SNX24: variants seen among roughly 807,000 people sequenced by gnomAD.
SNX24 encodes sorting nexin 24.
In SNX24, 22 loss-of-function variants were observed where a neutral mutation model predicts 28.7. The observed-to-expected ratio is 0.77, with a 90% CI of 0.55 to 1.10. The LOEUF is 1.10. Among genes scored for constraint, SNX24 ranks in the 50% least tolerant of loss-of-function variants. SNX24 has a pLI of 0.00. For missense variants in SNX24, 221 were observed against 201.1 expected (o/e 1.10, Z -0.60); for synonymous variants, 69 against 71.5 (o/e 0.96, Z 0.18).
chr5:122,937,240 T>C (rs1759218501), intron 2 of SNX24, among the ~76,000 whole-genome samples: 2 of 152,244 alleles, frequency 1.3e-5, no homozygotes, highest in African/African-American at 2.4e-5. Context: ...ATCATATACA[T>C]GTACTTCTGT....
chr5:122,862,319 G>GA (rs1013461262), intron 1 of SNX24, among the ~76,000 whole-genome samples: 6 of 151,478 alleles, frequency 4.0e-5, no homozygotes, highest in African/African-American at 1.5e-4. Flanking sequence ...AGTGACAAAA[G>GA]AAAAAAAAGA....
chr5:122,987,922 G>A (rs1761673805), intron 3 of SNX24, among the ~76,000 whole-genome samples: 1 of 152,192 alleles, frequency 6.6e-6, no homozygotes, highest in Non-Finnish European at 1.5e-5. Context: ...TACAACACAA[G>A]TGGATTACAT....
At chr5:123,019,480 GT>G (rs1561743046) in intron 5 of SNX24, among the ~76,000 whole-genome samples, 1 of 152,290 alleles carries the variant, frequency 6.6e-6, no homozygotes, top group East Asian at 1.9e-4. Context: ...AGGTTGGTGA[GT>G]CCTGTTCAAA....
intron 3 of SNX24, among the ~76,000 whole-genome samples, chr5:122,983,689 G>C (rs541464797): frequency 1.3e-5 from 2 of 152,242 alleles, no homozygotes; most frequent in Admixed American, 6.5e-5. Flanking sequence ...CTGTAGCCTT[G>C]ACCTCCTAGG....
In SNX24 at chr5:122,940,729, G is replaced by A. The variant is rs1052339430; in HGVS notation, c.144+3912G>A. On this transcript the variant is annotated intron_variant, in intron 2 of 6. Coordinates refer to ENST00000261369, the MANE Select transcript of SNX24 (RefSeq NM_014035.4). ...TAAGATTACAGGCATGTACCACCAT[G>A]CTCAGCTATTTTTTTGTATTTTTAG... 5.9e-5 allele frequency among the ~76,000 whole-genome samples: 9 copies of A among 152,032 alleles called. 1 individual carries two copies. The highest frequency in any genetic ancestry group is 2.6e-4 in the Admixed American group (4 of 15,272).
chr5:122,940,249 C>G (rs1759381271), intron 2 of SNX24, among the ~76,000 whole-genome samples: 1 of 152,146 alleles, frequency 6.6e-6, no homozygotes, highest in South Asian at 2.1e-4. Context: ...CCACCTCTGC[C>G]TCCCAAAGTG....
At chr5:122,910,962 A>T (rs1179309645) in intron 1 of SNX24, among the ~76,000 whole-genome samples, 1 of 152,210 alleles carries the variant, frequency 6.6e-6, no homozygotes, top group Non-Finnish European at 1.5e-5. Context: ...AGCATGATTT[A>T]TAATCCTTTG....
intron 1 of SNX24, among the ~76,000 whole-genome samples, chr5:122,928,644 A>C (rs1476736939): frequency 6.6e-6 from 1 of 151,994 alleles, no homozygotes; most frequent in Non-Finnish European, 1.5e-5. Flanking sequence ...TCACAACTGC[A>C]GGGATCCTAT....
downstream of SNX24, among the ~76,000 whole-genome samples, chr5:123,014,152 C>T (rs1165329486): frequency 1.3e-5 from 2 of 152,014 alleles, no homozygotes. Flanking sequence ...CCTAATCAGC[C>T]TCACAATAGA....
At chr5:122,939,446 T>A (rs1306872909) in intron 2 of SNX24, among the ~76,000 whole-genome samples, 1 of 152,238 alleles carries the variant, frequency 6.6e-6, no homozygotes, top group African/African-American at 2.4e-5. Flanking sequence ...TTAGTTTGGG[T>A]GGCCTATTAA....
At chr5:122,980,449 C>T (rs1490001487) in intron 3 of SNX24, among the ~76,000 whole-genome samples, 2 of 152,136 alleles carry the variant, frequency 1.3e-5, no homozygotes, top group Non-Finnish European at 2.9e-5. Flanking sequence ...AGCTTTGTCT[C>T]TTCCCAATAT....
chr5:122,960,970 A>C (rs1006249242), intron 3 of SNX24, among the ~76,000 whole-genome samples: 2 of 152,208 alleles, frequency 1.3e-5, no homozygotes, highest in African/African-American at 4.8e-5. Flanking sequence ...TCATTCATAT[A>C]ATTATGGATG....
intron 3 of SNX24, among the ~76,000 whole-genome samples, chr5:122,979,334 G>T (rs189756213): frequency 6.6e-6 from 1 of 152,288 alleles, no homozygotes; most frequent in Admixed American, 6.5e-5. Context: ...TCTGTTCTGC[G>T]GCCCGAAGCA....
intron 2 of SNX24, among the ~76,000 whole-genome samples, chr5:122,940,011 A>G (rs937289391): frequency 6.7e-5 from 10 of 149,344 alleles, no homozygotes; most frequent in Admixed American, 1.3e-4. Flanking sequence ...TTTTTTTGAG[A>G]CAGAGTCTCG....
At chr5:122,883,954 C>T (rs1756586445) in intron 1 of SNX24, among the ~76,000 whole-genome samples, 1 of 152,212 alleles carries the variant, frequency 6.6e-6, no homozygotes, top group Non-Finnish European at 1.5e-5. Flanking sequence ...TACTCCTCGC[C>T]ACATCATTGA....
At position 122,946,112 on chromosome 5, in the gene SNX24, C is replaced by G; in HGVS notation, c.202C>G (p.Pro68Ala). Residue 68 changes from proline to alanine, a missense_variant, in exon 3 of 7, where the codon CCC becomes GCC. Physicochemically the swap from Pro to Ala is conservative, Grantham distance 27. Transcript: ENST00000261369. ...IPSKHVRNWV[P>A]KVLEQRRQGL... The stretch of plus-strand genomic sequence containing the variant: ...TTCTAAACATGTTAGGAACTGGGTC[C>G]CCAAAGTCTTGGAACAGCGACGACA... 1 of 1,611,866 alleles carries G rather than the reference C, an allele frequency of 6.2e-7. No homozygotes were observed. The highest frequency in any genetic ancestry group is 8.5e-7 in the Non-Finnish European group (1 of 1,178,512).
chr5:122,977,194 A>T (rs932203215), intron 3 of SNX24, among the ~76,000 whole-genome samples: 15 of 152,194 alleles, frequency 9.9e-5, no homozygotes, highest in Non-Finnish European at 2.2e-4. Context: ...TTATTCATTT[A>T]TTAGGGTTTT....
At chr5:122,917,095 C>T (rs575938410) in intron 1 of SNX24, among the ~76,000 whole-genome samples, 1 of 151,956 alleles carries the variant, frequency 6.6e-6, no homozygotes, top group East Asian at 1.9e-4. Flanking sequence ...GGTGAAACTC[C>T]GTCTCTACTA....
At chr5:122,878,294 C>T (rs1456805910) in intron 1 of SNX24, among the ~76,000 whole-genome samples, 2 of 151,844 alleles carry the variant, frequency 1.3e-5, no homozygotes, top group Non-Finnish European at 2.9e-5. Flanking sequence ...GACCCAGTGG[C>T]GGTTCTAGAG....
Sources: allele counts gnomAD v4.1 joint callset (sites outside exome capture counted in the v4.1 genomes callset), GRCh38; gene constraint gnomAD v4.1.1; transcripts MANE v1.5; gene names NCBI Gene and HGNC (gene_info 2026-07-23, HGNC 2026-07-21).